Variants in GRXCR1 observed in about 807,000 individuals in gnomAD.
GRXCR1 encodes the protein glutaredoxin domain-containing cysteine-rich protein 1.
A neutral mutation model predicts 27.3 loss-of-function variants in GRXCR1; 27 were observed. The observed-to-expected ratio is 0.99, with a 90% CI of 0.73 to 1.37. The LOEUF (loss-of-function observed/expected upper bound fraction) is 1.37. GRXCR1 is among the 40% of genes most tolerant of loss of function. The pLI is 0.00. For synonymous variants in GRXCR1, 122 were observed against 131.1 expected (o/e 0.93, Z 0.47); for missense variants, 379 against 354.4 (o/e 1.07, Z -0.56).
chr4:42,987,050 G>A (rs1711750461), intron 2 of GRXCR1, among the ~76,000 whole-genome samples: 1 of 149,274 alleles, frequency 6.7e-6, no homozygotes, highest in Non-Finnish European at 1.5e-5. Context: ...GGTAAGTGTT[G>A]TGGGTGTGAA....
At chr4:43,011,707 G>C (rs1360763784) in intron 2 of GRXCR1, among the ~76,000 whole-genome samples, 1 of 152,072 alleles carries the variant, frequency 6.6e-6, no homozygotes, top group Non-Finnish European at 1.5e-5. Flanking sequence ...AACAATTATT[G>C]AGCAACATAT....
At chr4:42,933,287 G>A (rs1216672560) in intron 1 of GRXCR1, among the ~76,000 whole-genome samples, 1 of 151,848 alleles carries the variant, frequency 6.6e-6, no homozygotes, top group Non-Finnish European at 1.5e-5. Flanking sequence ...GGGAAAAGGG[G>A]ACTCATGAGT....
At chr4:42,965,190 T>C (rs569867492) in intron 2 of GRXCR1, among the ~76,000 whole-genome samples, 1 of 152,160 alleles carries the variant, frequency 6.6e-6, no homozygotes, top group African/African-American at 2.4e-5. Flanking sequence ...ATAGGGGGCA[T>C]GCTTCTTTCC....
chr4:42,989,251 C>A (rs1374594613), intron 2 of GRXCR1, among the ~76,000 whole-genome samples: 1 of 152,120 alleles, frequency 6.6e-6, no homozygotes. Context: ...CTCCTGAGGC[C>A]TCTCTTCTTG....
chr4:42,994,576 G>C (rs1301758013), intron 2 of GRXCR1, among the ~76,000 whole-genome samples: 1 of 152,098 alleles, frequency 6.6e-6, no homozygotes, highest in Non-Finnish European at 1.5e-5. Flanking sequence ...CAGTCTTTCT[G>C]TCATAATTTA....
chr4:42,961,619 C>T (rs139829526), intron 1 of GRXCR1, among the ~76,000 whole-genome samples: 3 of 152,134 alleles, frequency 2.0e-5, no homozygotes, highest in Non-Finnish European at 4.4e-5. Context: ...AACTTAATTC[C>T]TCCAGGCCTC....
At chr4:42,974,405 T>C (rs1748459238) in intron 2 of GRXCR1, among the ~76,000 whole-genome samples, 1 of 152,144 alleles carries the variant, frequency 6.6e-6, no homozygotes, top group South Asian at 2.1e-4. Flanking sequence ...TAAGTGTTTA[T>C]CTATAGAGCA....
At chr4:42,907,216 C>T (rs926614392) in intron 1 of GRXCR1, among the ~76,000 whole-genome samples, 2 of 152,084 alleles carry the variant, frequency 1.3e-5, no homozygotes, top group African/African-American at 4.8e-5. Flanking sequence ...TTTTAGAAGC[C>T]AATATTTCAG....
Position 42,893,698 on chromosome 4 carries a change from A to G in GRXCR1, c.384+48A>G, listed in dbSNP as rs41493449. The stretch of plus-strand genomic sequence containing the variant: ...TCCTGCTCTTTGTTCCTAACTCACC[A>G]TCTGAACACCTCTCAGTTCTCCAGT... On this transcript the variant is annotated intron_variant, in intron 1 of 3. Transcript: ENST00000399770. 130,970 of 1,566,190 alleles carry G rather than the reference A, an allele frequency of 0.084. 6,531 individuals are homozygous for G. The highest frequency in any genetic ancestry group is 0.21 in the African/African-American group (15,251 of 74,236).
intron 2 of GRXCR1, among the ~76,000 whole-genome samples, chr4:43,007,338 T>G (rs1030918183): frequency 2.6e-5 from 4 of 152,114 alleles, no homozygotes; most frequent in African/African-American, 7.2e-5. Flanking sequence ...TTCATGAACA[T>G]CAGACAGAGA....
intron 2 of GRXCR1, among the ~76,000 whole-genome samples, chr4:42,997,395 T>C (rs1370426140): frequency 6.6e-6 from 1 of 152,164 alleles, no homozygotes; most frequent in Non-Finnish European, 1.5e-5. Flanking sequence ...GTAACTAAAA[T>C]CTATAGCAGA....
rs139569368 is a variant in GRXCR1 at position 42,936,733 on chromosome 4, G to C, written c.385-26159G>C. Among the ~76,000 whole-genome samples, 40 of 151,932 alleles carry C rather than the reference G, an allele frequency of 2.6e-4. 1 individual carries two copies. The East Asian group carries it at 7.0e-3, about 27-fold the overall frequency. On this transcript the variant is annotated intron_variant, in intron 1 of 3. Transcript: ENST00000399770. Reference sequence around the variant, plus strand: ...TTTTGGTGATCTTGATAGTCGTGGAGAGTGCTGGTCAGGTTTTTAAAGAAT... The same window carrying C: ...TTTTGGTGATCTTGATAGTCGTGGACAGTGCTGGTCAGGTTTTTAAAGAAT...
intron 1 of GRXCR1, among the ~76,000 whole-genome samples, chr4:42,897,649 G>A (rs944299937): frequency 6.6e-6 from 1 of 152,016 alleles, no homozygotes; most frequent in African/African-American, 2.4e-5. Flanking sequence ...CTCATTCTGA[G>A]AGATTTTGGA....
At chr4:42,998,801 A>T (rs1247450122) in intron 2 of GRXCR1, among the ~76,000 whole-genome samples, 1 of 152,198 alleles carries the variant, frequency 6.6e-6, no homozygotes, top group Admixed American at 6.5e-5. Context: ...CTTTTTGATC[A>T]TTCTTCTTGA....
intron 2 of GRXCR1, 61 bp downstream of exon 2, chr4:42,963,195 A>G (rs1748168050): frequency 6.4e-7 from 1 of 1,573,104 alleles, no homozygotes; most frequent in Non-Finnish European, 8.7e-7. Context: ...ATAGAAATCT[A>G]TAACCATCTA....
intron 3 of GRXCR1, among the ~76,000 whole-genome samples, chr4:43,022,922 A>C (rs1396211731): frequency 6.6e-6 from 1 of 152,212 alleles, no homozygotes; most frequent in East Asian, 1.9e-4. Context: ...GAGTTCTCTT[A>C]TTATCCCCAC....
rs1748491336 is a variant in GRXCR1 at position 42,975,418 on chromosome 4, A to G, written c.627+12284A>G. 2.0e-5 allele frequency among the ~76,000 whole-genome samples: 3 copies of G among 152,102 alleles called. No individual in the cohort carries two copies. In the South Asian group the frequency reaches 6.2e-4, roughly 32 times the overall value. ...ATTAGTGCCCTTTTCAGTTATGTGT[A>G]CCTAGGAGTCAAAGACCTGAGACTT... On this transcript the variant is annotated intron_variant, in intron 2 of 3. Transcript: ENST00000399770.
chr4:43,020,505 C>G, intron 3 of GRXCR1, 86 bp downstream of exon 3: 1 of 853,290 alleles, frequency 1.2e-6, no homozygotes, highest in Non-Finnish European at 2.0e-6. Flanking sequence ...ATTGAATTCT[C>G]TCTCCCCATG....
chr4:42,932,081 A>G (rs1194566027), intron 1 of GRXCR1, among the ~76,000 whole-genome samples: 2 of 151,976 alleles, frequency 1.3e-5, no homozygotes, highest in Non-Finnish European at 2.9e-5. Flanking sequence ...GGTCCTTCCC[A>G]TGACATGTGG....
Sources: gnomAD v4.1 joint callset for allele counts (sites outside exome capture counted in the v4.1 genomes callset) on GRCh38, gnomAD v4.1.1 for gene constraint, MANE v1.5 for transcripts, NCBI Gene and HGNC (gene_info 2026-07-23, HGNC 2026-07-21) for gene names.